KIF2A: variants seen among roughly 807,000 people sequenced by gnomAD.
The protein encoded by KIF2A is kinesin family member 2A.
A neutral mutation model predicts 100.2 loss-of-function variants in KIF2A; 22 were observed. That is an observed-to-expected ratio of 0.22 (90% CI 0.16 to 0.31). The LOEUF (loss-of-function observed/expected upper bound fraction) is 0.31, where lower values mean the gene tolerates loss of function less well. Ranked by LOEUF, KIF2A falls within the 10% of genes least tolerant of loss-of-function variation. The pLI is 1.00. For synonymous variants in KIF2A, 268 were observed against 285.9 expected (o/e 0.94, Z 0.63); for missense variants, 495 against 898.7 (o/e 0.55, Z 5.74).
At chr5:62,370,103 G>A (rs1223116687) in intron 16 of KIF2A, among the ~76,000 whole-genome samples, 2 of 152,162 alleles carry the variant, frequency 1.3e-5, no homozygotes, top group Non-Finnish European at 2.9e-5. Flanking sequence ...TGCTACTTTA[G>A]TGAGCAGTTC....
intron 16 of KIF2A, among the ~76,000 whole-genome samples, chr5:62,370,249 A>C (rs1741260409): frequency 6.6e-6 from 1 of 152,138 alleles, no homozygotes; most frequent in Non-Finnish European, 1.5e-5. Flanking sequence ...TAAGTGATTA[A>C]GTTGACAAGT....
intron 18 of KIF2A, among the ~76,000 whole-genome samples, chr5:62,375,742 C>A (rs1208540801): frequency 6.6e-6 from 1 of 152,138 alleles, no homozygotes; most frequent in Non-Finnish European, 1.5e-5. Context: ...CAGTTTGGCC[C>A]CCAAAGCAAA....
At chr5:62,370,097 A>G (rs1391339724) in intron 16 of KIF2A, among the ~76,000 whole-genome samples, 1 of 152,218 alleles carries the variant, frequency 6.6e-6, no homozygotes, top group Non-Finnish European at 1.5e-5. Context: ...CCCTATTGCT[A>G]CTTTAGTGAG....
chr5:62,360,616 C>T (rs1194223078), intron 9 of KIF2A, among the ~76,000 whole-genome samples: 1 of 151,736 alleles, frequency 6.6e-6, no homozygotes, highest in Non-Finnish European at 1.5e-5. Context: ...ACCCGGGAGG[C>T]GGAGGTTGCA....
chr5:62,363,433 C>A, intron 13 of KIF2A, 113 bp downstream of exon 13: 1 of 1,016,314 alleles, frequency 9.8e-7, no homozygotes, highest in Non-Finnish European at 1.4e-6. Context: ...AATCATTGTT[C>A]ATAAAAACTT....
intron 1 of KIF2A, among the ~76,000 whole-genome samples, chr5:62,315,857 G>C (rs1561246897): frequency 6.6e-6 from 1 of 152,152 alleles, no homozygotes; most frequent in Non-Finnish European, 1.5e-5. Flanking sequence ...GTCTAGGAGG[G>C]TGAGCAATGA....
chr5:62,329,388 C>T (rs116396442), intron 1 of KIF2A, among the ~76,000 whole-genome samples: 18 of 152,286 alleles, frequency 1.2e-4, no homozygotes, highest in African/African-American at 3.6e-4. Context: ...CTACATAGTC[C>T]TCATGAAGGA....
At chr5:62,313,789 T>G (rs150928315) in intron 1 of KIF2A, among the ~76,000 whole-genome samples, 1 of 152,180 alleles carries the variant, frequency 6.6e-6, no homozygotes, top group East Asian at 1.9e-4. Context: ...TTTAAATTGT[T>G]TTGGTATCAA....
chr5:62,356,094 C>CAGCCGGGCGTGCTTTTATAACTATAAA (rs1748093097), intron 7 of KIF2A, among the ~76,000 whole-genome samples: 1 of 152,146 alleles, frequency 6.6e-6, no homozygotes, highest in Non-Finnish European at 1.5e-5. Context: ...CCACCACGCC[C>CAGCCGGGCGTGCTTTTATAACTATAAA]AGCCGGGAAT....
At chr5:62,348,955 A>G (rs944412243) in intron 3 of KIF2A, among the ~76,000 whole-genome samples, 8 of 152,200 alleles carry the variant, frequency 5.3e-5, no homozygotes, top group African/African-American at 1.9e-4. Flanking sequence ...TTCAGGGAGG[A>G]CATAGATAAG....
At chr5:62,371,907 T>G (rs1272491937) in intron 16 of KIF2A, among the ~76,000 whole-genome samples, 7 of 152,194 alleles carry the variant, frequency 4.6e-5, no homozygotes, top group Non-Finnish European at 1.0e-4. Flanking sequence ...CCACTGAAAA[T>G]AGAGTGAATA....
rs1745688035 is a variant in KIF2A at position 62,314,089 on chromosome 5, G to C, written c.64+7553G>C. On this transcript the variant is annotated intron_variant, in intron 1 of 20. Transcript: ENST00000407818. ...TTACAGGTGTGAGCCACCATACCTG[G>C]TCAAATTTATTCAATTTAAAGTTTT... 3.3e-5 allele frequency among the ~76,000 whole-genome samples: 5 copies of C among 152,106 alleles called. No individual in the cohort carries two copies. In the South Asian group the frequency reaches 1.0e-3, roughly 32 times the overall value.
At chr5:62,340,479 G>T (rs973850027) in intron 1 of KIF2A, among the ~76,000 whole-genome samples, 1 of 152,132 alleles carries the variant, frequency 6.6e-6, no homozygotes, top group African/African-American at 2.4e-5. Context: ...AAGGCCACAT[G>T]GAAAGATTGT....
chr5:62,326,521 A>T lies in KIF2A; in HGVS notation c.64+19985A>T, dbSNP rs374760386. 5.3e-5 allele frequency among the ~76,000 whole-genome samples: 8 copies of T among 151,970 alleles called. No individual in the cohort carries two copies. In the East Asian group the frequency reaches 1.6e-3, roughly 30 times the overall value. On this transcript the variant is annotated intron_variant, in intron 1 of 20. Coordinates refer to ENST00000407818, the MANE Select transcript of KIF2A (RefSeq NM_001098511.3). ...GACTGCCTTCCTTCCTTTGCTGTGGACACATTTTTTCTGTTCCTGTTTTGT... is the reference window on the plus strand; with the variant it reads ...GACTGCCTTCCTTCCTTTGCTGTGGTCACATTTTTTCTGTTCCTGTTTTGT...
intron 1 of KIF2A, among the ~76,000 whole-genome samples, chr5:62,326,775 C>G (rs546609956): frequency 2.4e-4 from 36 of 151,976 alleles, no homozygotes; most frequent in African/African-American, 8.2e-4. Context: ...GCAGGCAGAT[C>G]GCTTGAGCCC....
intron 1 of KIF2A, among the ~76,000 whole-genome samples, chr5:62,307,810 G>A (rs1392914660): frequency 6.6e-6 from 1 of 152,040 alleles, no homozygotes; most frequent in African/African-American, 2.4e-5. Flanking sequence ...TAGAGACGGG[G>A]TTTCACCATG....
At position 62,356,174 on chromosome 5, in the gene KIF2A, C is replaced by CA. The variant is rs561942468; in HGVS notation, c.654+926dup. 6.0e-3 allele frequency among the ~76,000 whole-genome samples: 911 copies of CA among 152,184 alleles called. 3 individuals are homozygous for CA. The highest frequency in any genetic ancestry group is 0.014 in the Middle Eastern group (4 of 294). ...TAGCATATACAGAATGTGTTAGTTA[C>CA]AAAAAAGACATTTGTGTTAGATAGA... On this transcript the variant is annotated intron_variant, in intron 7 of 20. Transcript: ENST00000407818.
At chr5:62,378,494 C>T (rs1741639985) in intron 19 of KIF2A, among the ~76,000 whole-genome samples, 1 of 152,188 alleles carries the variant, frequency 6.6e-6, no homozygotes, top group African/African-American at 2.4e-5. Flanking sequence ...TGTATTCCTT[C>T]TTTGATGTTG....
At chr5:62,325,276 A>T (rs911915246) in intron 1 of KIF2A, among the ~76,000 whole-genome samples, 1 of 152,030 alleles carries the variant, frequency 6.6e-6, no homozygotes, top group Non-Finnish European at 1.5e-5. Context: ...GGTGCCCGCC[A>T]CTATGCCCGG....
Sources: allele counts gnomAD v4.1 joint callset (sites outside exome capture counted in the v4.1 genomes callset), GRCh38; gene constraint gnomAD v4.1.1; transcripts MANE v1.5; gene names NCBI Gene and HGNC (gene_info 2026-07-23, HGNC 2026-07-21).